NRXN3: variants seen among roughly 807,000 people sequenced by gnomAD.
NRXN3 encodes neurexin III.
In NRXN3, 32 loss-of-function variants were observed where a neutral mutation model predicts 137.6. That is an observed-to-expected ratio of 0.23 (90% CI 0.18 to 0.31). The LOEUF (loss-of-function observed/expected upper bound fraction) is 0.31, where lower values mean the gene tolerates loss of function less well. Ranked by LOEUF, NRXN3 falls within the 10% of genes least tolerant of loss-of-function variation. NRXN3 has a pLI of 1.00. For synonymous variants in NRXN3, 798 were observed against 784.5 expected (o/e 1.02, Z -0.29); for missense variants, 1,574 against 2,062.5 (o/e 0.76, Z 4.59).
At chr14:79,033,915 T>C (rs988514129) in intron 15 of NRXN3, among the ~76,000 whole-genome samples, 11 of 152,108 alleles carry the variant, frequency 7.2e-5, no homozygotes, top group African/African-American at 2.4e-4. Flanking sequence ...TTCTTTTAGC[T>C]ATTAGAACCT....
At chr14:78,478,117 G>A (rs979378507) in intron 4 of NRXN3, among the ~76,000 whole-genome samples, 1 of 152,172 alleles carries the variant, frequency 6.6e-6, no homozygotes, top group African/African-American at 2.4e-5. Flanking sequence ...TGATATTCTG[G>A]AAAATAGGTA....
intron 15 of NRXN3, among the ~76,000 whole-genome samples, chr14:79,205,414 C>T (rs1476218104): frequency 6.6e-6 from 1 of 152,146 alleles, no homozygotes; most frequent in Non-Finnish European, 1.5e-5. Context: ...AAGAGTGCAT[C>T]ATAAGTAGAG....
chr14:78,495,716 A>G (rs2095767579), intron 4 of NRXN3, among the ~76,000 whole-genome samples: 1 of 152,144 alleles, frequency 6.6e-6, no homozygotes, highest in Non-Finnish European at 1.5e-5. Flanking sequence ...CCTTTCTGGA[A>G]GAAAAGGAGA....
rs181106814 is a variant in NRXN3, at chr14:79,096,834, C to T, written c.3262+108693C>T. Among the ~76,000 whole-genome samples the T allele has an allele frequency of 2.1e-3, 323 of 152,226 alleles. 1 individual carries two copies. Among genetic ancestry groups the T allele is most frequent in the African/African-American group, 7.3e-3 (303 of 41,544 alleles). On this transcript the variant is annotated intron_variant, in intron 15 of 20. Transcript: ENST00000335750. ...CCTTTCATACCTGTCAGTTCTAAATCTTTTCCAGGTATTCTTGATCTCTCA... is the reference window on the plus strand; with the variant it reads ...CCTTTCATACCTGTCAGTTCTAAATTTTTTCCAGGTATTCTTGATCTCTCA...
intron 4 of NRXN3, among the ~76,000 whole-genome samples, chr14:78,441,152 G>A (rs1209155623): frequency 6.6e-6 from 1 of 152,160 alleles, no homozygotes; most frequent in Non-Finnish European, 1.5e-5. Flanking sequence ...AGAAACAGGA[G>A]CATGCAGTGG....
At chr14:79,731,939 G>GT (rs894053097) in intron 19 of NRXN3, among the ~76,000 whole-genome samples, 1 of 150,988 alleles carries the variant, frequency 6.6e-6, no homozygotes, top group Non-Finnish European at 1.5e-5. Flanking sequence ...CTTTTCCATA[G>GT]TTTTTTTCCC....
intron 15 of NRXN3, among the ~76,000 whole-genome samples, chr14:79,188,760 T>C (rs1056653994): frequency 7.2e-5 from 11 of 152,190 alleles, no homozygotes; most frequent in Non-Finnish European, 1.5e-4. Context: ...AGAAGACATT[T>C]ATGCAGCCAA....
intron 4 of NRXN3, among the ~76,000 whole-genome samples, chr14:78,559,654 A>G (rs2096769557): frequency 6.6e-6 from 1 of 152,230 alleles, no homozygotes; most frequent in Non-Finnish European, 1.5e-5. Context: ...ATTCTTGACA[A>G]TACTTGGCAT....
At chr14:79,378,829 T>G (rs1382211207) in intron 15 of NRXN3, among the ~76,000 whole-genome samples, 1 of 151,702 alleles carries the variant, frequency 6.6e-6, no homozygotes, top group Non-Finnish European at 1.5e-5. Flanking sequence ...TGTGAGCCCA[T>G]TGACATCCTG....
rs531895027 is a variant in NRXN3, at chr14:79,337,505, A to G, written c.3263-129716A>G. Among the ~76,000 whole-genome samples the G allele has an allele frequency of 6.9e-4, 105 of 152,336 alleles. 3 individuals are homozygous for G. The South Asian group carries it at 0.021, about 30-fold the overall frequency. ...TATATTGCTTTCTTCCATGCAGTAT[A>G]ATCTGTTTCAGTTGGTCTTCCATCG... On this transcript the variant is annotated intron_variant, in intron 15 of 20. Transcript: ENST00000335750.
At chr14:78,656,405 G>T (rs150924448) in intron 6 of NRXN3, among the ~76,000 whole-genome samples, 12 of 152,192 alleles carry the variant, frequency 7.9e-5, no homozygotes, top group African/African-American at 2.9e-4. Context: ...AGGATGAGGG[G>T]CAGGGTGAGC....
intron 15 of NRXN3, among the ~76,000 whole-genome samples, chr14:79,024,590 G>A (rs575110273): frequency 2.0e-5 from 3 of 152,184 alleles, no homozygotes; most frequent in African/African-American, 7.2e-5. Context: ...AGAGCATTTA[G>A]GAGTTCAGAA....
intron 19 of NRXN3, among the ~76,000 whole-genome samples, chr14:79,768,060 C>A (rs571247431): frequency 6.6e-6 from 1 of 152,358 alleles, no homozygotes; most frequent in East Asian, 1.9e-4. Context: ...CTGTGCTTTT[C>A]CGACGGGCTT....
chr14:78,566,697 T>C (rs911319929), intron 4 of NRXN3, among the ~76,000 whole-genome samples: 4 of 152,030 alleles, frequency 2.6e-5, no homozygotes, highest in Admixed American at 1.3e-4. Flanking sequence ...TTTTATCGAG[T>C]CCCTCTGAGA....
chr14:78,374,769 CAAAAAAAAAAAAA>C (rs3037807), intron 4 of NRXN3, among the ~76,000 whole-genome samples: 1 of 115,528 alleles, frequency 8.7e-6, no homozygotes, highest in Non-Finnish European at 1.8e-5. Flanking sequence ...ACTCCATCTC[CAAAAAAAAAAAAA>C]AAAAAAAAAA....
At chr14:79,072,451 A>AT (rs1170014241) in intron 15 of NRXN3, 4 of 152,202 alleles carry the variant, frequency 2.6e-5, no homozygotes, top group Admixed American at 2.6e-4. Flanking sequence ...TGTTTAAACC[A>AT]TTGAGCAGGT....
chr14:79,552,399 C>G (rs1285747454), intron 16 of NRXN3, among the ~76,000 whole-genome samples: 4 of 152,140 alleles, frequency 2.6e-5, no homozygotes, highest in African/African-American at 9.7e-5. Flanking sequence ...CTTAAACCCT[C>G]TGAGCTTTAT....
chr14:79,454,282 C>A (rs922192394), intron 15 of NRXN3, among the ~76,000 whole-genome samples: 1 of 152,068 alleles, frequency 6.6e-6, no homozygotes, highest in Non-Finnish European at 1.5e-5. Context: ...CGGGGTTTCA[C>A]CATGTTGGCC....
chr14:78,961,573 G>A (rs1044927077), intron 11 of NRXN3, among the ~76,000 whole-genome samples: 1 of 152,134 alleles, frequency 6.6e-6, no homozygotes, highest in Non-Finnish European at 1.5e-5. Context: ...TAGTAATAGC[G>A]CACGGTTTAA....
Sources: allele counts gnomAD v4.1 joint callset (sites outside exome capture counted in the v4.1 genomes callset), GRCh38; gene constraint gnomAD v4.1.1; transcripts MANE v1.5; gene names NCBI Gene and HGNC (gene_info 2026-07-23, HGNC 2026-07-21).